CCDC180: variants seen among roughly 807,000 people sequenced by gnomAD.
The protein encoded by CCDC180 is coiled-coil domain containing 180, also known as coiled-coil domain-containing protein 180.
A neutral mutation model predicts 209.2 loss-of-function variants in CCDC180; 154 were observed. That is an observed-to-expected ratio of 0.74 (90% CI 0.65 to 0.84). The LOEUF is 0.84. CCDC180 is among the 40% of genes least tolerant of loss of function. The pLI, the probability that CCDC180 is intolerant of heterozygous loss-of-function variation, is 0.00. For missense variants in CCDC180, 1,874 were observed against 1,997.3 expected, an observed-to-expected ratio of 0.94 and a Z score of 1.18; for synonymous variants, 778 against 749.1, an observed-to-expected ratio of 1.04 and a Z score of -0.63.
chr9:97,366,581 G>T lies in CCDC180; in HGVS notation c.4070G>T (p.Arg1357Leu), dbSNP rs143232808. The change falls in exon 31 of 37, where the codon CGC (arginine) becomes CTC (leucine). Residue 1357 changes from arginine to leucine, a missense_variant. Physicochemically the swap from Arg to Leu is moderately radical, Grantham distance 102. Transcript: ENST00000529487. The surrounding 1 kb of genome is among the most constrained non-coding windows in gnomAD (Gnocchi z 4.3). ...CAGGAGTTCTACCGTAAAGAAAAAC[G>T]CCCAGTCACCAGGCCTGACTGCATG... Reference protein sequence around the residue: ...VAEEFYRKEKRPVTRPDCMCD... With the variant: ...VAEEFYRKEKLPVTRPDCMCD... 6.2e-7 allele frequency: 1 copy of T among 1,614,108 alleles called. No individual in the cohort carries two copies. The highest frequency in any genetic ancestry group is 1.1e-5 in the South Asian group (1 of 91,082).
rs939712257 is a variant in CCDC180, at chr9:97,366,764, G to A, written c.4189+64G>A. 3.5e-5 allele frequency: 54 copies of A among 1,562,940 alleles called. No individual in the cohort carries two copies. The highest frequency in any genetic ancestry group is 4.1e-5 in the Non-Finnish European group (47 of 1,153,144). On this transcript the variant is annotated intron_variant, in intron 31 of 36. Transcript: ENST00000529487. This position sits in a 1 kb window ranked among gnomAD's most constrained non-coding sequence, Gnocchi z 4.3. ...GGGCGCGAAGCCAGTGGTGGAGCTC[G>A]GCCTTGGCCTTGTGGCCTGGATCCT...
chr9:97,321,917 A>T (rs1318926581), intron 11 of CCDC180, among the ~76,000 whole-genome samples: 2 of 152,192 alleles, frequency 1.3e-5, no homozygotes, highest in Non-Finnish European at 2.9e-5. Context: ...CTTTGGAAAC[A>T]GGGAGGGGAG....
intron 10 of CCDC180, among the ~76,000 whole-genome samples, chr9:97,319,509 C>A (rs1421445603): frequency 6.6e-6 from 1 of 152,118 alleles, no homozygotes; most frequent in Non-Finnish European, 1.5e-5. Context: ...CAAGTAGGCC[C>A]CAGTGTCTGT....
At position 97,361,756 on chromosome 9, in the gene CCDC180, A is replaced by G; in HGVS notation, c.3514A>G (p.Ser1172Gly). 1 of 1,614,174 alleles carries G rather than the reference A, an allele frequency of 6.2e-7. No individual in the cohort carries two copies. The highest frequency in any genetic ancestry group is 8.5e-7 in the Non-Finnish European group (1 of 1,180,022). ...NTILKDQEED[S>G]DILTSSEALE... ...CATCCTGAAGGACCAGGAGGAAGAC[A>G]GTGACATCCTGACATCTTCAGAAGC... The change falls in exon 27 of 37, where the codon AGT becomes GGT. Residue 1172 changes from serine to glycine, a missense_variant. Physicochemically the swap from Ser to Gly is moderately conservative, Grantham distance 56. Coordinates refer to ENST00000529487, the MANE Select transcript of CCDC180 (RefSeq NM_020893.6).
At chr9:97,357,948 A>G (rs918081960) in intron 25 of CCDC180, 3 of 456,060 alleles carry the variant, frequency 6.6e-6, no homozygotes, top group African/African-American at 2.0e-5. Flanking sequence ...CCAGGCAAGC[A>G]TGGAGCAGCG....
chr9:97,320,631 G>A (rs1422454908), intron 11 of CCDC180, among the ~76,000 whole-genome samples: 2 of 152,206 alleles, frequency 1.3e-5, no homozygotes, highest in Non-Finnish European at 2.9e-5. Flanking sequence ...GGCAAGAGGA[G>A]TAATAATGGT....
At chr9:97,347,945 G>T (rs1460830405) in intron 20 of CCDC180, among the ~76,000 whole-genome samples, 2 of 152,176 alleles carry the variant, frequency 1.3e-5, no homozygotes, top group African/African-American at 2.4e-5. Context: ...GGGGTTGATA[G>T]AAGTGTTAAG....
chr9:97,359,936 C>T, intron 25 of CCDC180, 46 bp from the exon 26 acceptor site: 1 of 1,608,666 alleles, frequency 6.2e-7, no homozygotes, highest in Non-Finnish European at 8.5e-7. Flanking sequence ...ACCCACCCTC[C>T]TGCAGTCTGC....
rs757629200 is a variant in CCDC180, at chr9:97,355,020, T to G, written c.3264+12T>G. On this transcript the variant is annotated intron_variant, in intron 24 of 36. Transcript: ENST00000529487. ...AAATCAAGTGCCAGGTAGGATAGATTCATTCTTCATCAAGGATCTTTATCA... is the reference window on the plus strand; with the variant it reads ...AAATCAAGTGCCAGGTAGGATAGATGCATTCTTCATCAAGGATCTTTATCA... 23 of 1,537,048 alleles carry G rather than the reference T, an allele frequency of 1.5e-5. No homozygotes were observed. The highest frequency in any genetic ancestry group is 9.0e-7 in the Non-Finnish European group (1 of 1,110,332).
Position 97,330,542 on chromosome 9 carries a change from T to C in CCDC180, c.2049T>C (p.Asp683=), listed in dbSNP as rs761243630. Residue 683 remains aspartate (D), a synonymous_variant, in exon 18 of 37, where the codon GAT becomes GAC. Coordinates refer to ENST00000529487, the MANE Select transcript of CCDC180 (RefSeq NM_020893.6). ...QKKSPLHAKM[D]ESKEGSIQGL... ...AATCTCCACTGCATGCTAAGATGGA[T>C]GAGTCCAAAGAAGGCTCTATTCAGG... is the stretch of plus-strand genomic sequence containing the variant. 1 of 1,614,098 alleles carries C rather than the reference T, an allele frequency of 6.2e-7. No individual in the cohort carries two copies. The highest frequency in any genetic ancestry group is 1.1e-5 in the South Asian group (1 of 91,082).
chr9:97,313,566 CTGT>C (rs1189831684), intron 5 of CCDC180, among the ~76,000 whole-genome samples: 1 of 152,230 alleles, frequency 6.6e-6, no homozygotes, highest in Non-Finnish European at 1.5e-5. Flanking sequence ...AGGTCATGTG[CTGT>C]TGTTACCCCT....
In CCDC180 at chr9:97,312,177, G is replaced by C; in HGVS notation, c.325G>C (p.Val109Leu). ...TGAGAACACCATCGCTGCCCGAGAAGTGCGGGGTCTCATGGATACTATAGG... is the reference window on the plus strand; with the variant it reads ...TGAGAACACCATCGCTGCCCGAGAACTGCGGGGTCTCATGGATACTATAGG... ...ESENTIAARE[V>L]RGLMDTIVPE... Residue 109 changes from valine to leucine, a missense_variant, in exon 4 of 37, where the codon GTG becomes CTG. By Grantham distance (32) the Val-to-Leu change is conservative. Transcript: ENST00000529487. 1 of 1,614,108 alleles carries C rather than the reference G, an allele frequency of 6.2e-7. No homozygotes were observed. Among genetic ancestry groups the C allele is most frequent in the Non-Finnish European group, 8.5e-7 (1 of 1,179,970 alleles).
rs200908751 is a variant in CCDC180 at position 97,375,573 on chromosome 9, G to A, written c.4826G>A (p.Arg1609Gln). The A allele has an allele frequency of 6.4e-4, 1,037 of 1,614,216 alleles. No individual in the cohort carries two copies. The highest frequency in any genetic ancestry group is 7.4e-4 in the Non-Finnish European group (870 of 1,180,040). Residue 1609 changes from arginine (R) to glutamine (Q), a missense_variant, in exon 36 of 37, where the codon CGA becomes CAA. Transcript: ENST00000529487. ...GGCCACCTGGCGGCCGTGGAAGCCC[G>A]AGATGCTGTGTACCTGGTGAGACAG... ...TLGHLAAVEA[R>Q]DAVYLKYLAS...
chr9:97,351,888 G>A (rs536085384), intron 22 of CCDC180, among the ~76,000 whole-genome samples: 2 of 152,188 alleles, frequency 1.3e-5, no homozygotes, highest in South Asian at 2.1e-4. Context: ...TGAGGCGGGC[G>A]GATCACCTGA....
At position 97,313,260 on chromosome 9, in the gene CCDC180, C is replaced by A. The variant is rs369383402; in HGVS notation, c.374C>A (p.Thr125Asn). ...GTTCCTGAGAAGATAAGCACCAGCA[C>A]CTTTCAAAGGCAAGCAGAACACAAG... Reference protein sequence around the residue: ...TIVPEKISTSTFQRQAEHKRK... With the variant: ...TIVPEKISTSNFQRQAEHKRK... Residue 125 changes from threonine (T) to asparagine (N), a missense_variant, in exon 5 of 37, where the codon ACC becomes AAC. Physicochemically the swap from Thr to Asn is moderately conservative, Grantham distance 65. Transcript: ENST00000529487. 5 of 1,611,562 alleles carry A rather than the reference C, an allele frequency of 3.1e-6. No homozygotes were observed. The Admixed American group carries it at 6.7e-5, about 22-fold the overall frequency.
Position 97,325,047 on chromosome 9 carries a change from C to G in CCDC180, c.1400C>G (p.Thr467Arg). Residue 467 changes from threonine (T) to arginine (R), a missense_variant, in exon 14 of 37, where the codon ACA (threonine) becomes AGA (arginine). Thr to Arg is a moderately conservative substitution (Grantham distance 71). Coordinates refer to ENST00000529487, the MANE Select transcript of CCDC180 (RefSeq NM_020893.6). Reference protein sequence around the residue: ...DKSFETLADQTEWQSSHLFKY... With the variant: ...DKSFETLADQREWQSSHLFKY... ...TCCTTCGAGACTCTGGCAGATCAGA[C>G]AGAGTGGCAGAGTTCACACCTCTTC... 1 of 1,614,008 alleles carries G rather than the reference C, an allele frequency of 6.2e-7. No individual in the cohort carries two copies. Among genetic ancestry groups the G allele is most frequent in the Non-Finnish European group, 8.5e-7 (1 of 1,179,984 alleles).
chr9:97,330,092 T>C, intron 16 of CCDC180, 62 bp from the exon 17 acceptor site: 1 of 689,572 alleles, frequency 1.5e-6, no homozygotes, highest in East Asian at 3.0e-5. Flanking sequence ...AAAAAAAAGG[T>C]GGGGGGCACT....
intron 19 of CCDC180, 138 bp downstream of exon 19, chr9:97,343,701 G>A (rs928495227): frequency 3.0e-6 from 2 of 676,660 alleles, no homozygotes; most frequent in African/African-American, 3.6e-5. Flanking sequence ...GAAGGTAGGG[G>A]TGAGAAACAC....
intron 3 of CCDC180, 34 bp downstream of exon 3, chr9:97,309,638 A>G: frequency 1.3e-6 from 2 of 1,486,238 alleles, no homozygotes; most frequent in Non-Finnish European, 1.8e-6. Flanking sequence ...ACCCCCATGC[A>G]CTAGGGTACC....
Sources: allele counts gnomAD v4.1 joint callset (sites outside exome capture counted in the v4.1 genomes callset), GRCh38; gene constraint gnomAD v4.1.1; non-coding constraint Gnocchi (gnomAD v3.1); transcripts MANE v1.5; gene names NCBI Gene and HGNC (gene_info 2026-07-23, HGNC 2026-07-21).